Variants in PLEKHG1 observed in about 807,000 individuals in gnomAD.
PLEKHG1 encodes the protein pleckstrin homology and RhoGEF domain containing G1, also known as pleckstrin homology domain-containing family G member 1.
In PLEKHG1, 44 loss-of-function variants were observed where a neutral mutation model predicts 100.8. The observed-to-expected ratio is 0.44, with a 90% CI of 0.34 to 0.56. The LOEUF (loss-of-function observed/expected upper bound fraction) is 0.56, where lower values mean the gene tolerates loss of function less well. Among genes scored for constraint, PLEKHG1 ranks in the 20% least tolerant of loss-of-function variants. PLEKHG1 has a pLI of 0.01. For synonymous variants in PLEKHG1, 640 were observed against 662.5 expected (o/e 0.97, Z 0.52); for missense variants, 1,545 against 1,720.9 (o/e 0.90, Z 1.81).
At chr6:150,674,679 CT>C (rs1562427792) in intron 3 of PLEKHG1, among the ~76,000 whole-genome samples, 18 of 139,888 alleles carry the variant, frequency 1.3e-4, no homozygotes, top group South Asian at 4.6e-4. Context: ...CTCTCTCTCT[CT>C]CTCCCCCCTC....
chr6:150,635,588 A>AT (rs1306949685), intron 1 of PLEKHG1, among the ~76,000 whole-genome samples: 1 of 152,206 alleles, frequency 6.6e-6, no homozygotes, highest in East Asian at 1.9e-4. Flanking sequence ...CATTATTTTC[A>AT]TAAGTTCAAT....
intron 1 of PLEKHG1, among the ~76,000 whole-genome samples, chr6:150,617,364 T>G (rs1195831786): frequency 2.0e-5 from 3 of 152,230 alleles, no homozygotes; most frequent in African/African-American, 7.2e-5. Flanking sequence ...TCAACGGAAT[T>G]GTTGTTTCTA....
At chr6:150,804,539 T>C in intron 6 of PLEKHG1, 71 bp from the exon 8 acceptor site, 1 of 1,223,192 alleles carries the variant, frequency 8.2e-7, no homozygotes, top group Non-Finnish European at 1.2e-6. Flanking sequence ...ATCATAGCGG[T>C]GCCATTTGTT....
At chr6:150,744,811 T>G (rs888059966) in intron 2 of PLEKHG1, among the ~76,000 whole-genome samples, 2 of 152,132 alleles carry the variant, frequency 1.3e-5, no homozygotes, top group Non-Finnish European at 2.9e-5. Context: ...CTGGGACAAA[T>G]AGTTGAGTCA....
Position 150,672,544 on chromosome 6 carries a change from A to G in PLEKHG1, c.-99+21758A>G, listed in dbSNP as rs145349213. ...AGTTGCTCATTCTAAGTATTAGCCT[A>G]TATTAAATTGATGCTCTATTTCACC... On this transcript the variant is annotated intron_variant, in intron 3 of 3. Coordinates refer to the PLEKHG1 transcript ENST00000367326. 3.9e-5 allele frequency among the ~76,000 whole-genome samples: 6 copies of G among 152,364 alleles called. No individual in the cohort carries two copies. In the East Asian group the frequency reaches 9.6e-4, roughly 25 times the overall value.
chr6:150,631,110 A>G (rs2128561602), intron 1 of PLEKHG1, among the ~76,000 whole-genome samples: 1 of 152,320 alleles, frequency 6.6e-6, no homozygotes, highest in Non-Finnish European at 1.5e-5. Context: ...AAGAGAGCCA[A>G]GAAAATCTAT....
chr6:150,827,531 C>T (rs1469375513), intron 14 of PLEKHG1: 1 of 563,684 alleles, frequency 1.8e-6, no homozygotes, highest in African/African-American at 1.9e-5. Flanking sequence ...CCGCCTCTGC[C>T]TTCCAAAGTG....
intron 3 of PLEKHG1, chr6:150,663,798 C>A (rs1245191183): frequency 6.6e-6 from 1 of 152,214 alleles, no homozygotes; most frequent in East Asian, 1.9e-4. Context: ...GTGATCCGCC[C>A]GCCTTGGCCT....
chr6:150,838,567 G>C (rs1400607467), intron 15 of PLEKHG1, among the ~76,000 whole-genome samples: 3 of 152,306 alleles, frequency 2.0e-5, no homozygotes, highest in African/African-American at 7.2e-5. Context: ...CAGATACCTG[G>C]ATTGGGGAGG....
intron 1 of PLEKHG1, among the ~76,000 whole-genome samples, chr6:150,601,919 G>A (rs1776373946): frequency 6.6e-6 from 1 of 152,198 alleles, no homozygotes; most frequent in African/African-American, 2.4e-5. Context: ...TAATATAGGT[G>A]ACTGTCACCG....
At chr6:150,726,504 A>C (rs1198257810) in intron 1 of PLEKHG1, among the ~76,000 whole-genome samples, 1 of 152,228 alleles carries the variant, frequency 6.6e-6, no homozygotes, top group Non-Finnish European at 1.5e-5. Flanking sequence ...TGTATAAAAA[A>C]GTTGCAAAGA....
At chr6:150,789,591 A>T (rs1002558501) in intron 4 of PLEKHG1, among the ~76,000 whole-genome samples, 5 of 152,256 alleles carry the variant, frequency 3.3e-5, no homozygotes, top group Non-Finnish European at 7.3e-5. Flanking sequence ...GGAGTAAGTC[A>T]CTATATTATG....
intron 1 of PLEKHG1, among the ~76,000 whole-genome samples, chr6:150,613,469 T>C (rs757951239): frequency 6.6e-6 from 1 of 152,210 alleles, no homozygotes; most frequent in Non-Finnish European, 1.5e-5. Flanking sequence ...GTTGACTAAA[T>C]AAACATCACT....
chr6:150,625,899 TGACA>T (rs1223845981), intron 1 of PLEKHG1: 16 of 152,206 alleles, frequency 1.1e-4, no homozygotes, highest in African/African-American at 3.9e-4. Flanking sequence ...CTTCAGCCCA[TGACA>T]GACACAACTG....
exon 16 of PLEKHG1, chr6:150,840,176 C>G (rs528444016): frequency 6.2e-7 from 1 of 1,614,176 alleles, no homozygotes; most frequent in Non-Finnish European, 8.5e-7. Flanking sequence ...AGAGATGCAG[C>G]GTGGTAGTAA....
At chr6:150,635,075 GA>G (rs1456781370) in intron 1 of PLEKHG1, among the ~76,000 whole-genome samples, 1 of 152,188 alleles carries the variant, frequency 6.6e-6, no homozygotes, top group Admixed American at 6.5e-5. Flanking sequence ...CAAAGGAAAT[GA>G]AAATGAGGGA....
intron 2 of PLEKHG1, among the ~76,000 whole-genome samples, chr6:150,745,361 A>T (rs1783102793): frequency 6.6e-6 from 1 of 152,158 alleles, no homozygotes; most frequent in South Asian, 2.1e-4. Context: ...CTTGAACTCT[A>T]TGACGCATAA....
chr6:150,652,606 G>A (rs1268443297), intron 3 of PLEKHG1, among the ~76,000 whole-genome samples: 1 of 151,584 alleles, frequency 6.6e-6, no homozygotes, highest in African/African-American at 2.4e-5. Context: ...TGTAATCCCC[G>A]CTACTTGGGA....
At chr6:150,807,356 G>T (rs6923505) in intron 7 of PLEKHG1, among the ~76,000 whole-genome samples, 1 of 152,248 alleles carries the variant, frequency 6.6e-6, no homozygotes, top group East Asian at 1.9e-4. Context: ...TTTTCATACT[G>T]TGTGAAGCTG....
Sources: gnomAD v4.1 joint callset for allele counts (sites outside exome capture counted in the v4.1 genomes callset) on GRCh38, gnomAD v4.1.1 for gene constraint, MANE v1.5 for transcripts, NCBI Gene and HGNC (gene_info 2026-07-23, HGNC 2026-07-21) for gene names.